The following FBXL13 variants were observed in gnomAD, a reference collection of about 807,000 sequenced individuals.
The protein encoded by FBXL13 is F-box and leucine rich repeat protein 13.
Under a neutral mutation model 83.6 loss-of-function variants are expected in FBXL13, and 67 were observed. The ratio of observed to expected loss-of-function variants is 0.80; its 90% CI spans 0.66 to 0.98. The LOEUF (loss-of-function observed/expected upper bound fraction) is 0.98, where lower values mean the gene tolerates loss of function less well. Ranked by LOEUF, FBXL13 falls within the 50% of genes least tolerant of loss-of-function variation. FBXL13 has a pLI of 0.00. For missense variants in FBXL13, 822 were observed against 866.5 expected (o/e 0.95, Z 0.64); for synonymous variants, 272 against 299.5 (o/e 0.91, Z 0.95).
At chr7:103,053,759 C>A (rs892071743) in intron 2 of FBXL13, among the ~76,000 whole-genome samples, 14 of 152,154 alleles carry the variant, frequency 9.2e-5, no homozygotes, top group African/African-American at 3.1e-4. Context: ...CAGTAATTTG[C>A]AGATATCTGC....
intron 17 of FBXL13, among the ~76,000 whole-genome samples, chr7:102,852,521 C>T (rs1805419073): frequency 6.6e-6 from 1 of 152,006 alleles, no homozygotes; most frequent in Non-Finnish European, 1.5e-5. Flanking sequence ...AAAAAGTGGG[C>T]TAAGGACATG....
intron 18 of FBXL13, chr7:102,827,132 G>A (rs1405135890): frequency 4.4e-6 from 2 of 454,912 alleles, no homozygotes; most frequent in Non-Finnish European, 8.8e-6. Flanking sequence ...CAGGCCTCAA[G>A]ATGCCTTGCA....
At chr7:103,066,811 G>T in intron 1 of FBXL13, among the ~76,000 whole-genome samples, 2 of 142,156 alleles carry the variant, frequency 1.4e-5, no homozygotes, top group African/African-American at 2.6e-5. Flanking sequence ...TTTTTTTTGA[G>T]ATGGAGTTTC....
At chr7:102,855,346 C>CTAAATGATTT (rs1805881160) in intron 16 of FBXL13, among the ~76,000 whole-genome samples, 2 of 152,096 alleles carry the variant, frequency 1.3e-5, no homozygotes, top group African/African-American at 4.8e-5. Context: ...GGCCTAGAGA[C>CTAAATGATTT]AGATAATCAT....
At chr7:103,058,049 G>A (rs1485657071) in intron 1 of FBXL13, among the ~76,000 whole-genome samples, 3 of 152,024 alleles carry the variant, frequency 2.0e-5, no homozygotes, top group African/African-American at 7.2e-5. Context: ...CTAGGCCTGG[G>A]GTCTTTTCTT....
At chr7:102,942,976 T>TA (rs1239143848) in intron 8 of FBXL13, among the ~76,000 whole-genome samples, 2 of 149,700 alleles carry the variant, frequency 1.3e-5, no homozygotes. Context: ...TCTTTGCTCT[T>TA]AGAGGGTGAA....
chr7:103,002,459 T>C (rs1358706414), intron 6 of FBXL13, among the ~76,000 whole-genome samples: 1 of 152,224 alleles, frequency 6.6e-6, no homozygotes, highest in African/African-American at 2.4e-5. Context: ...GACACACTAT[T>C]AGAAGATTTT....
chr7:102,939,071 T>A (rs184329713), intron 8 of FBXL13, among the ~76,000 whole-genome samples: 28 of 152,318 alleles, frequency 1.8e-4, no homozygotes, highest in African/African-American at 6.5e-4. Context: ...TCCACCTTCA[T>A]GTCCAGCCCA....
At chr7:102,939,669 C>A in intron 8 of FBXL13, 1 of 1,227,786 alleles carries the variant, frequency 8.1e-7, no homozygotes, top group South Asian at 1.8e-5. Flanking sequence ...ACAGTAAATT[C>A]AGTTTAAAAG....
At chr7:102,919,517 CAATT>C (rs1272057706) in intron 10 of FBXL13, among the ~76,000 whole-genome samples, 5 of 152,004 alleles carry the variant, frequency 3.3e-5, no homozygotes, top group Non-Finnish European at 7.4e-5. Context: ...TGAAGGAACA[CAATT>C]AAGCTTGGAA....
At chr7:102,966,019 T>C (rs562715808) in intron 7 of FBXL13, among the ~76,000 whole-genome samples, 1 of 152,224 alleles carries the variant, frequency 6.6e-6, no homozygotes, top group Admixed American at 6.5e-5. Flanking sequence ...GTTGAGAAGG[T>C]TTCAGGGGCT....
intron 11 of FBXL13, among the ~76,000 whole-genome samples, chr7:102,894,744 A>AAAG (rs1812049340): frequency 6.6e-6 from 1 of 150,680 alleles, no homozygotes; most frequent in African/African-American, 2.5e-5. Flanking sequence ...AAAAAAAAAA[A>AAAG]AGAGAGAGAG....
intron 2 of FBXL13, among the ~76,000 whole-genome samples, chr7:103,037,013 T>C (rs1795138836): frequency 6.6e-6 from 1 of 152,212 alleles, no homozygotes; most frequent in South Asian, 2.1e-4. Context: ...AATTACAATT[T>C]ACAAAGCCAT....
chr7:102,879,770 G>A (rs1198980038), intron 14 of FBXL13, among the ~76,000 whole-genome samples: 2 of 152,072 alleles, frequency 1.3e-5, no homozygotes, highest in Non-Finnish European at 2.9e-5. Flanking sequence ...GCAGTGGCAC[G>A]ATCTCAGCTC....
chr7:103,069,279 C>T (rs989033020), intron 1 of FBXL13, among the ~76,000 whole-genome samples: 1 of 149,754 alleles, frequency 6.7e-6, no homozygotes, highest in Admixed American at 6.6e-5. Flanking sequence ...TGGTTGCCGC[C>T]CCATCTGGAA....
intron 19 of FBXL13, among the ~76,000 whole-genome samples, chr7:102,816,610 C>T (rs200735424): frequency 2.1e-4 from 32 of 152,128 alleles, no homozygotes; most frequent in Admixed American, 1.8e-3. Context: ...TTTGCACACA[C>T]GCACCTTTAA....
chr7:103,008,590 C>G (rs949425655), intron 6 of FBXL13, among the ~76,000 whole-genome samples: 2 of 152,126 alleles, frequency 1.3e-5, no homozygotes, highest in African/African-American at 2.4e-5. Flanking sequence ...CAGAGACTCA[C>G]TCTGTCATCC....
intron 5 of FBXL13, 139 bp downstream of exon 6, chr7:103,027,310 T>TAA: frequency 1.7e-6 from 1 of 579,732 alleles, no homozygotes; most frequent in East Asian, 3.1e-5. Flanking sequence ...AAAATAAAAA[T>TAA]AAAAAAAAAC....
intron 16 of FBXL13, among the ~76,000 whole-genome samples, chr7:102,862,148 G>A (rs1466491448): frequency 6.6e-6 from 1 of 152,000 alleles, no homozygotes; most frequent in East Asian, 1.9e-4. Flanking sequence ...TTCGAGACCA[G>A]CCTGGTCAAT....
Sources: allele counts gnomAD v4.1 joint callset (sites outside exome capture counted in the v4.1 genomes callset), GRCh38; gene constraint gnomAD v4.1.1; transcripts MANE v1.5; gene names NCBI Gene and HGNC (gene_info 2026-07-23, HGNC 2026-07-21).